The following STARD9 variants were observed in gnomAD, a reference collection of about 807,000 sequenced individuals.
STARD9 encodes the protein stAR-related lipid transfer protein 9.
Under a neutral mutation model 399.8 loss-of-function variants are expected in STARD9, and 346 were observed. That is an observed-to-expected ratio of 0.87 (90% CI 0.79 to 0.95). The LOEUF (loss-of-function observed/expected upper bound fraction) is 0.95, where lower values mean the gene tolerates loss of function less well. Ranked by LOEUF, STARD9 falls within the 40% of genes least tolerant of loss-of-function variation. The probability of loss-of-function intolerance (pLI) is 0.00; values close to 1 mark genes in which losing one functional copy is unlikely to be tolerated. For missense variants in STARD9, 5,832 were observed against 5,667.5 expected (o/e 1.03, Z -0.93); for synonymous variants, 2,203 against 2,143.5 (o/e 1.03, Z -0.77).
chr15:42,588,967 A>G (rs1407724647), intron 3 of STARD9, among the ~76,000 whole-genome samples: 1 of 151,580 alleles, frequency 6.6e-6, no homozygotes, highest in Non-Finnish European at 1.5e-5. Flanking sequence ...AGCGTGTGCC[A>G]CCATGCTCAA....
chr15:42,717,079 T>C, intron 28 of STARD9, 31 bp downstream of exon 28: 1 of 1,536,298 alleles, frequency 6.5e-7, no homozygotes, highest in East Asian at 2.4e-5. Context: ...ATCCCTACCA[T>C]TCCTTTACCC....
At position 42,675,435 on chromosome 15, in the gene STARD9, C is replaced by A. The variant is rs1298981525; in HGVS notation, c.1688-229C>A. ...TTCCATCAAGTGTTCCCTGACTACTCCACCTGGAACTCAACTTCCTTTCCC... is the reference window on the plus strand; with the variant it reads ...TTCCATCAAGTGTTCCCTGACTACTACACCTGGAACTCAACTTCCTTTCCC... On this transcript the variant is annotated intron_variant, in intron 18 of 32. Transcript: ENST00000290607. 5 of 539,904 alleles carry A rather than the reference C, an allele frequency of 9.3e-6. No individual in the cohort carries two copies. The East Asian group carries it at 9.6e-5, about 10-fold the overall frequency. 33.4% of individuals were successfully genotyped at this position (539,904 alleles called of 1,614,324 possible).
At chr15:42,663,129 A>C in intron 11 of STARD9, 152 bp from the exon 12 acceptor site, 2 of 822,278 alleles carry the variant, frequency 2.4e-6, no homozygotes, top group Non-Finnish European at 3.7e-6. Context: ...TCGTGAGTCT[A>C]AAGTCTTTAG....
At chr15:42,715,967 C>T (rs1016631971) in intron 26 of STARD9, among the ~76,000 whole-genome samples, 1 of 152,164 alleles carries the variant, frequency 6.6e-6, no homozygotes, top group African/African-American at 2.4e-5. Context: ...GGCCTGCTGT[C>T]TGTGACAGCA....
rs549212962 is a variant in STARD9 at position 42,639,790 on chromosome 15, G to A, written c.559+978G>A. Among the ~76,000 whole-genome samples the A allele has an allele frequency of 5.9e-5, 9 of 151,974 alleles. No individual in the cohort carries two copies. The East Asian group carries it at 1.5e-3, about 26-fold the overall frequency. On this transcript the variant is annotated intron_variant, in intron 7 of 32. Coordinates refer to ENST00000290607, the MANE Select transcript of STARD9 (RefSeq NM_020759.3). ...GAGGCAGGATAATCACTTAAACCTG[G>A]GAGGCAGAGGTTGCAATGAGTCGAG...
chr15:42,674,288 G>T (rs997640900), intron 16 of STARD9, among the ~76,000 whole-genome samples, 152 bp from the exon 17 acceptor site: 2 of 152,194 alleles, frequency 1.3e-5, no homozygotes, highest in East Asian at 3.8e-4. Context: ...CGGGACCAAA[G>T]TTGAGAAGTG....
intron 26 of STARD9, among the ~76,000 whole-genome samples, chr15:42,698,580 T>G (rs2060894503): frequency 1.3e-5 from 2 of 152,184 alleles, no homozygotes; most frequent in South Asian, 4.1e-4. Context: ...ACTAGAAATA[T>G]TTTTTTCCCA....
chr15:42,674,558 G>A, intron 17 of STARD9, 67 bp downstream of exon 17: 1 of 1,395,744 alleles, frequency 7.2e-7, no homozygotes, highest in Non-Finnish European at 9.8e-7. Context: ...GTTTCTTCGA[G>A]GACTTTGATG....
intron 3 of STARD9, among the ~76,000 whole-genome samples, chr15:42,621,800 C>G (rs1269863926): frequency 2.0e-5 from 3 of 152,152 alleles, no homozygotes; most frequent in Non-Finnish European, 4.4e-5. Context: ...TTGTGATGCT[C>G]ATTTTGTTCC....
intron 4 of STARD9, among the ~76,000 whole-genome samples, chr15:42,635,372 G>A (rs946276142): frequency 6.6e-6 from 1 of 151,658 alleles, no homozygotes; most frequent in Non-Finnish European, 1.5e-5. Context: ...CTCTGTCGCC[G>A]AGGCTGGAGT....
At chr15:42,698,131 C>T (rs2060884179) in intron 26 of STARD9, among the ~76,000 whole-genome samples, 1 of 152,156 alleles carries the variant, frequency 6.6e-6, no homozygotes, top group South Asian at 2.1e-4. Context: ...AGAGTTGCAC[C>T]GTCATTTACC....
chr15:42,626,333 CTCT>C (rs2059214906), intron 3 of STARD9, among the ~76,000 whole-genome samples: 1 of 143,434 alleles, frequency 7.0e-6, no homozygotes, highest in Admixed American at 7.1e-5. Context: ...CCTCCTCTTC[CTCT>C]TCTTCCTCTT....
At chr15:42,612,491 G>C (rs1257497368) in intron 3 of STARD9, among the ~76,000 whole-genome samples, 1 of 152,166 alleles carries the variant, frequency 6.6e-6, no homozygotes. Context: ...AGAACTTAGA[G>C]TCTATTCCAA....
chr15:42,717,116 G>C, intron 28 of STARD9, 68 bp downstream of exon 28: 3 of 1,509,232 alleles, frequency 2.0e-6, no homozygotes, highest in East Asian at 2.5e-5. Flanking sequence ...TGCAGGAAGA[G>C]AAAGTAGGAA....
intron 7 of STARD9, among the ~76,000 whole-genome samples, chr15:42,645,222 C>A (rs2059623600): frequency 2.0e-5 from 3 of 152,182 alleles, no homozygotes; most frequent in African/African-American, 7.2e-5. Context: ...TTGCCCAGAT[C>A]CATCAGAGGA....
chr15:42,659,021 G>A (rs2059937751), intron 9 of STARD9, among the ~76,000 whole-genome samples: 2 of 152,126 alleles, frequency 1.3e-5, no homozygotes, highest in Non-Finnish European at 2.9e-5. Flanking sequence ...GCTGAGGCAG[G>A]AGAATTGCTT....
Position 42,717,037 on chromosome 15 carries a change from T to G in STARD9, c.13483T>G (p.Ser4495Ala). 6.5e-7 allele frequency: 1 copy of G among 1,537,194 alleles called. No homozygotes were observed. Among genetic ancestry groups the G allele is most frequent in the Admixed American group, 2.0e-5 (1 of 50,994 alleles). The change falls in exon 28 of 33, where the codon TCT (serine) becomes GCT (alanine). Residue 4495 changes from serine (S) to alanine (A), a missense_variant. Coordinates refer to ENST00000290607, the MANE Select transcript of STARD9 (RefSeq NM_020759.3). ...TTTGGCCAAGCATGTCGTGGACACT[T>G]CTATGGCTGATGTGAGTAACTGCTC... ...QDLAKHVVDT[S>A]MADVMAACSD...
chr15:42,642,121 A>G (rs2059550678), intron 7 of STARD9, among the ~76,000 whole-genome samples: 1 of 152,198 alleles, frequency 6.6e-6, no homozygotes, highest in Non-Finnish European at 1.5e-5. Flanking sequence ...TTCTGTGAAT[A>G]TGACTTTAAA....
At chr15:42,674,038 A>C (rs1029018964) in intron 16 of STARD9, 2 of 456,244 alleles carry the variant, frequency 4.4e-6, no homozygotes, top group South Asian at 1.6e-5. Flanking sequence ...AACTTGGACC[A>C]CATCAACCTT....
Sources: allele counts gnomAD v4.1 joint callset (sites outside exome capture counted in the v4.1 genomes callset), GRCh38; gene constraint gnomAD v4.1.1; transcripts MANE v1.5; gene names NCBI Gene and HGNC (gene_info 2026-07-23, HGNC 2026-07-21).